The following MAGI2 variants were observed in gnomAD, a reference collection of about 807,000 sequenced individuals.
MAGI2 encodes membrane associated guanylate kinase, WW and PDZ domain containing 2.
Under a neutral mutation model 133.3 loss-of-function variants are expected in MAGI2, and 35 were observed. That is an observed-to-expected ratio of 0.26 (90% CI 0.20 to 0.35). MAGI2 has a LOEUF of 0.35. Among genes scored for constraint, MAGI2 ranks in the 10% least tolerant of loss-of-function variants. The pLI, the probability that MAGI2 is intolerant of heterozygous loss-of-function variation, is 1.00. For synonymous variants in MAGI2, 729 were observed against 710.6 expected (o/e 1.03, Z -0.41); for missense variants, 1,636 against 1,863.4 (o/e 0.88, Z 2.25).
At chr7:78,411,168 A>T (rs956634543) in intron 6 of MAGI2, among the ~76,000 whole-genome samples, 1 of 152,048 alleles carries the variant, frequency 6.6e-6, no homozygotes, top group Non-Finnish European at 1.5e-5. Context: ...AGCCCTATGT[A>T]GCAGCCTCAT....
At chr7:78,555,190 TTGGATGGA>T (rs369587265) in intron 3 of MAGI2, among the ~76,000 whole-genome samples, 1 of 138,968 alleles carries the variant, frequency 7.2e-6, no homozygotes, top group East Asian at 2.2e-4. Context: ...TAGAGGACGG[TTGGATGGA>T]TGGATAGATA....
Position 78,178,120 on chromosome 7 carries a change from C to T in MAGI2, c.2312-18G>A, listed in dbSNP as rs1394800439. On this transcript the variant is annotated intron_variant, in intron 13 of 21. Coordinates refer to ENST00000354212, the MANE Select transcript of MAGI2 (RefSeq NM_012301.4). The stretch of plus-strand genomic sequence containing the variant: ...ATCTGGACCTGGCATAAAGGAGATC[C>T]CATTGAGTAATGAATCCTGCCTCTT... 1 of 1,507,878 alleles carries T rather than the reference C, an allele frequency of 6.6e-7. No individual in the cohort carries two copies. The highest frequency in any genetic ancestry group is 1.4e-5 in the African/African-American group (1 of 72,734). The allele number at this position is 1,507,878 out of a possible 1,614,324, so 93.4% of individuals were successfully genotyped here. A position where few individuals can be genotyped will look rare whatever the true frequency, so the allele number is the denominator to read the frequency against.
chr7:78,028,773 TG>T (rs1403997587), intron 21 of MAGI2, among the ~76,000 whole-genome samples: 1 of 138,418 alleles, frequency 7.2e-6, no homozygotes, highest in Non-Finnish European at 1.5e-5. Flanking sequence ...CTCTTGAACC[TG>T]GGAGGCGGAG....
chr7:78,388,789 TG>T (rs1454884274), intron 6 of MAGI2, among the ~76,000 whole-genome samples: 2 of 152,182 alleles, frequency 1.3e-5, no homozygotes, highest in Non-Finnish European at 2.9e-5. Context: ...TTTAAAGATA[TG>T]GCCTTTTTAA....
rs577231093 is a variant in MAGI2, at chr7:79,071,097, CT to C, written c.302-63892del. Among the ~76,000 whole-genome samples the C allele has an allele frequency of 8.5e-5, 13 of 152,264 alleles. 1 individual carries two copies. The highest frequency in any genetic ancestry group is 7.8e-4 in the Admixed American group (12 of 15,296). ...CTTCGTGGATTTATCTACCTTTGGT[CT>C]TTGATGTTGGTGACCTTTGGATGGG... On this transcript the variant is annotated intron_variant, in intron 1 of 21. Transcript: ENST00000354212.
At chr7:78,499,796 T>C (rs1243941621) in intron 5 of MAGI2, among the ~76,000 whole-genome samples, 2 of 152,236 alleles carry the variant, frequency 1.3e-5, no homozygotes, top group African/African-American at 2.4e-5. Flanking sequence ...TCAGCTTCCT[T>C]ATTCCGAACA....
chr7:78,545,113 T>G (rs1225239535), intron 3 of MAGI2, among the ~76,000 whole-genome samples: 2 of 151,574 alleles, frequency 1.3e-5, no homozygotes, highest in Non-Finnish European at 2.9e-5. Context: ...TTGAGTCCAA[T>G]GTAGGTTTTA....
At chr7:79,009,150 T>C (rs1158648044) in intron 1 of MAGI2, 1 of 152,166 alleles carries the variant, frequency 6.6e-6, no homozygotes, top group Non-Finnish European at 1.5e-5. Context: ...TCACCTAATG[T>C]AATGTGGATA....
rs76669072 is a variant in MAGI2 at position 78,655,449 on chromosome 7, A to C, written c.419-28210T>G. 2.3e-3 allele frequency among the ~76,000 whole-genome samples: 279 copies of C among 121,332 alleles called. 2 individuals carry two copies. The highest frequency in any genetic ancestry group is 8.1e-3 in the African/African-American group (259 of 32,004). The allele number at this position is 121,332 out of a possible 152,430, so 79.6% of individuals were successfully genotyped here. A position where few individuals can be genotyped will look rare whatever the true frequency, so the allele number is the denominator to read the frequency against. On this transcript the variant is annotated intron_variant, in intron 2 of 21. Transcript: ENST00000354212. ...CAAAACAAAAAACAAACAAAAAAAAACAACCAAAAAAAAAAAAAAAAAAAA... is the reference window on the plus strand; with the variant it reads ...CAAAACAAAAAACAAACAAAAAAAACCAACCAAAAAAAAAAAAAAAAAAAA...
At chr7:78,491,475 C>G (rs1475745825) in intron 5 of MAGI2, among the ~76,000 whole-genome samples, 1 of 152,066 alleles carries the variant, frequency 6.6e-6, no homozygotes, top group African/African-American at 2.4e-5. Context: ...CCATCACATT[C>G]TTAACATTTA....
At chr7:79,142,582 A>T (rs1294537456) in intron 1 of MAGI2, among the ~76,000 whole-genome samples, 2 of 152,154 alleles carry the variant, frequency 1.3e-5, no homozygotes, top group East Asian at 1.9e-4. Context: ...GTGCATGTGG[A>T]TGTGTGAATA....
At chr7:78,084,798 T>C (rs3779309) in intron 20 of MAGI2, among the ~76,000 whole-genome samples, 31,041 of 152,204 alleles carry the variant, frequency 0.2, 3,164 homozygotes, top group South Asian at 0.24. Context: ...TGTGCCCTAA[T>C]GGCCCTGATG....
intron 6 of MAGI2, among the ~76,000 whole-genome samples, chr7:78,443,252 G>T (rs1464554791): frequency 6.6e-6 from 1 of 152,118 alleles, no homozygotes; most frequent in African/African-American, 2.4e-5. Flanking sequence ...ATGACATAAA[G>T]AAATAGCACA....
Position 78,377,830 on chromosome 7 carries a change from C to CAAAA in MAGI2, c.1046-8621_1046-8618dup, listed in dbSNP as rs3061266. Reference sequence around the variant, plus strand: ...GGAACAAAAGAAATATCAAACTAAACAAAAAAAAAGAGCAGACTATTTATA... The same window carrying CAAAA: ...GGAACAAAAGAAATATCAAACTAAACAAAAAAAAAAAAAGAGCAGACTATTTATA... On this transcript the variant is annotated intron_variant, in intron 6 of 21. Transcript: ENST00000354212. Among the ~76,000 whole-genome samples the CAAAA allele has an allele frequency of 8.7e-4, 126 of 145,462 alleles. 1 individual carries two copies. The East Asian group carries it at 0.014, about 16-fold the overall frequency.
At chr7:78,990,577 T>C (rs998017210) in intron 2 of MAGI2, among the ~76,000 whole-genome samples, 3 of 152,038 alleles carry the variant, frequency 2.0e-5, no homozygotes, top group African/African-American at 7.2e-5. Context: ...GCCTTTTCCC[T>C]GGAGGTTTTT....
chr7:78,358,972 C>T (rs923918598), intron 7 of MAGI2: 32 of 152,696 alleles, frequency 2.1e-4, no homozygotes, highest in African/African-American at 7.0e-4. Flanking sequence ...CCTGCATCAC[C>T]GCCCTGGGAT....
intron 7 of MAGI2, chr7:78,359,425 C>A (rs6959463): frequency 5.3e-5 from 8 of 151,940 alleles, no homozygotes; most frequent in Non-Finnish European, 8.8e-5. Context: ...TATTTTGTGA[C>A]CAGAATGAAA....
At chr7:78,089,604 T>A (rs1052311873) in intron 20 of MAGI2, among the ~76,000 whole-genome samples, 1 of 152,200 alleles carries the variant, frequency 6.6e-6, no homozygotes, top group Non-Finnish European at 1.5e-5. Flanking sequence ...CTCTATACCA[T>A]TATAGAAAGA....
intron 1 of MAGI2, among the ~76,000 whole-genome samples, chr7:79,305,093 G>C (rs554397000): frequency 6.6e-6 from 1 of 152,138 alleles, no homozygotes; most frequent in Non-Finnish European, 1.5e-5. Flanking sequence ...CAGAGATGGA[G>C]TGTTAAATGA....
Sources: gnomAD v4.1 joint callset for allele counts (sites outside exome capture counted in the v4.1 genomes callset) on GRCh38, gnomAD v4.1.1 for gene constraint, MANE v1.5 for transcripts, NCBI Gene and HGNC (gene_info 2026-07-23, HGNC 2026-07-21) for gene names.